Variants in FBXO25 observed in about 807,000 individuals in gnomAD.
The protein encoded by FBXO25 is F-box protein 25.
FBXO25 carries 45 observed loss-of-function variants against 51.9 expected under a neutral mutation model. The ratio of observed to expected loss-of-function variants is 0.87; its 90% confidence interval spans 0.68 to 1.11. FBXO25 has a LOEUF of 1.11. Among genes scored for constraint, FBXO25 ranks in the 50% most tolerant of loss-of-function variants. The pLI is 0.00. For synonymous variants in FBXO25, 199 were observed against 151.0 expected, an observed-to-expected ratio of 1.32 and a Z score of -2.33; for missense variants, 507 against 428.5, an observed-to-expected ratio of 1.18 and a Z score of -1.62.
At chr8:431,989 T>G (rs1282588770) in intron 3 of FBXO25, among the ~76,000 whole-genome samples, 1 of 152,194 alleles carries the variant, frequency 6.6e-6, no homozygotes, top group Non-Finnish European at 1.5e-5. Flanking sequence ...CTACCAAACC[T>G]TATGGATACT....
At chr8:418,046 A>T (rs1043331747) in intron 2 of FBXO25, among the ~76,000 whole-genome samples, 5 of 152,118 alleles carry the variant, frequency 3.3e-5, no homozygotes, top group African/African-American at 1.2e-4. Context: ...ACTTCACCCA[A>T]GTTGTGTGTG....
At chr8:409,895 A>G (rs1464645634) in intron 1 of FBXO25, among the ~76,000 whole-genome samples, 1 of 152,178 alleles carries the variant, frequency 6.6e-6, no homozygotes, top group Non-Finnish European at 1.5e-5. Flanking sequence ...TTCTTCTATG[A>G]CCTGGCTTCT....
Position 432,350 on chromosome 8 carries a change from G to C in FBXO25, c.239-536G>C, listed in dbSNP as rs1320800148. Reference sequence around the variant, plus strand: ...GCACACAATTTAAAACTTATGAATGGTTTATTTCTGGAATTTTCCACTTAA... The same window carrying C: ...GCACACAATTTAAAACTTATGAATGCTTTATTTCTGGAATTTTCCACTTAA... On this transcript the variant is annotated intron_variant, in intron 3 of 9. Coordinates refer to ENST00000350302, the MANE Select transcript of FBXO25 (RefSeq NM_183420.2). 3.3e-5 allele frequency among the ~76,000 whole-genome samples: 5 copies of C among 152,278 alleles called. No individual in the cohort carries two copies. In the East Asian group the frequency reaches 5.8e-4, roughly 18 times the overall value.
rs550255438 is a variant in FBXO25, at chr8:431,516, A to G, written c.238+72A>G. The G allele has an allele frequency of 2.5e-4, 187 of 749,232 alleles. 2 individuals are homozygous for G. Among genetic ancestry groups the G allele is most frequent in the African/African-American group, 2.2e-3 (122 of 55,166 alleles). The allele number at this position is 749,232 out of a possible 1,614,324, so 46.4% of individuals were successfully genotyped here. On this transcript the variant is annotated intron_variant, in intron 3 of 9. Coordinates refer to ENST00000350302, the MANE Select transcript of FBXO25 (RefSeq NM_183420.2). ...AATACTAAATTACTCTGACAATGCT[A>G]TCTTATGAAATAAAAGGTGATACAA...
At chr8:415,624 G>T (rs1796748242) in intron 2 of FBXO25, among the ~76,000 whole-genome samples, 2 of 152,162 alleles carry the variant, frequency 1.3e-5, no homozygotes, top group Non-Finnish European at 2.9e-5. Flanking sequence ...CTGGACAGAG[G>T]GTCAGGATCA....
At chr8:441,491 G>A (rs1185364633) in intron 5 of FBXO25, among the ~76,000 whole-genome samples, 1 of 152,118 alleles carries the variant, frequency 6.6e-6, no homozygotes, top group African/African-American at 2.4e-5. Flanking sequence ...CAAAAGCAAT[G>A]GCAACAAAAG....
At chr8:462,969 A>T (rs775594531) in intron 8 of FBXO25, 38 bp from the exon 9 acceptor site, 1 of 1,577,914 alleles carries the variant, frequency 6.3e-7, no homozygotes, top group East Asian at 2.2e-5. Flanking sequence ...TTTGAAAGTC[A>T]TCTTATGCGG....
intron 2 of FBXO25, among the ~76,000 whole-genome samples, chr8:414,601 T>C (rs1796683258): frequency 6.6e-6 from 1 of 151,162 alleles, no homozygotes; most frequent in Non-Finnish European, 1.5e-5. Flanking sequence ...CTGAGAATTG[T>C]TTTTTTTTCC....
chr8:427,891 A>G (rs554680046), intron 2 of FBXO25, among the ~76,000 whole-genome samples: 144 of 151,960 alleles, frequency 9.5e-4, no homozygotes, highest in African/African-American at 2.1e-3. Flanking sequence ...TGATTTGAAG[A>G]TGATGGCCCA....
intron 7 of FBXO25, 44 bp from the exon 8 acceptor site, chr8:458,325 A>G (rs984190792): frequency 2.5e-6 from 4 of 1,592,002 alleles, no homozygotes; most frequent in Non-Finnish European, 3.4e-6. Flanking sequence ...GTGAACAAAC[A>G]TTGGCCATCT....
chr8:442,216 C>G (rs933323591), intron 5 of FBXO25, among the ~76,000 whole-genome samples: 7 of 151,992 alleles, frequency 4.6e-5, no homozygotes, highest in Non-Finnish European at 8.8e-5. Flanking sequence ...CTTGTTATTC[C>G]TAAAATGAAT....
intron 8 of FBXO25, among the ~76,000 whole-genome samples, chr8:460,476 T>C (rs1388715173): frequency 6.6e-6 from 1 of 152,088 alleles, no homozygotes; most frequent in East Asian, 1.9e-4. Context: ...ATATTAGAAA[T>C]AGCTTTTATG....
At chr8:417,995 A>G (rs190225096) in intron 2 of FBXO25, among the ~76,000 whole-genome samples, 1 of 152,288 alleles carries the variant, frequency 6.6e-6, no homozygotes, top group East Asian at 1.9e-4. Context: ...GTACCAGTTT[A>G]TACTCTGCAT....
At chr8:424,106 T>C (rs931140228) in intron 2 of FBXO25, among the ~76,000 whole-genome samples, 25 of 150,694 alleles carry the variant, frequency 1.7e-4, no homozygotes, top group Non-Finnish European at 1.2e-4. Flanking sequence ...TGCCTGTTCA[T>C]GTCCTTTGCC....
Position 410,330 on chromosome 8 carries a change from A to G in FBXO25, c.-7-2743A>G, listed in dbSNP as rs573374635. On this transcript the variant is annotated intron_variant, in intron 1 of 9. Coordinates refer to ENST00000350302, the MANE Select transcript of FBXO25 (RefSeq NM_183420.2). ...AAATTGCACACTTTTGAGGGCAGGA[A>G]CATCTAGCATAATAACATGTAGTTG... 4.6e-5 allele frequency among the ~76,000 whole-genome samples: 7 copies of G among 152,260 alleles called. No individual in the cohort carries two copies. The South Asian group carries it at 1.2e-3, about 27-fold the overall frequency.
chr8:443,217 C>T (rs1024327472), intron 5 of FBXO25, among the ~76,000 whole-genome samples: 6 of 151,274 alleles, frequency 4.0e-5, no homozygotes, highest in South Asian at 4.2e-4. Context: ...ATATAAGGCT[C>T]CTCATTATAC....
chr8:465,255 T>G (rs60688458), intron 9 of FBXO25, among the ~76,000 whole-genome samples: 4,468 of 152,266 alleles, frequency 0.029, 197 homozygotes, highest in African/African-American at 0.1. Context: ...ATATTAACAC[T>G]GAAAACATGT....
chr8:420,748 G>A (rs560523985), intron 2 of FBXO25, among the ~76,000 whole-genome samples: 13 of 152,320 alleles, frequency 8.5e-5, no homozygotes, highest in East Asian at 1.9e-4. Flanking sequence ...TAAGGAAGAC[G>A]AACAAATCAG....
intron 8 of FBXO25, among the ~76,000 whole-genome samples, chr8:458,867 G>C (rs1455310111): frequency 6.6e-6 from 1 of 152,084 alleles, no homozygotes; most frequent in Non-Finnish European, 1.5e-5. Flanking sequence ...CTCCTGATTT[G>C]ATGAATCAGA....
Sources: allele counts gnomAD v4.1 joint callset (sites outside exome capture counted in the v4.1 genomes callset), GRCh38; gene constraint gnomAD v4.1.1; transcripts MANE v1.5; gene names NCBI Gene and HGNC (gene_info 2026-07-23, HGNC 2026-07-21).